The following PBX3 variants were observed in gnomAD, a reference collection of about 807,000 sequenced individuals.
PBX3 encodes pre-B-cell leukemia transcription factor 3.
A neutral mutation model predicts 48.5 loss-of-function variants in PBX3; 14 were observed. The ratio of observed to expected loss-of-function variants is 0.29; its 90% CI spans 0.19 to 0.45. The LOEUF is 0.45. Among genes scored for constraint, PBX3 ranks in the 20% least tolerant of loss-of-function variants. The pLI, the probability that PBX3 is intolerant of heterozygous loss-of-function variation, is 1.00. For synonymous variants in PBX3, 210 were observed against 200.3 expected (o/e 1.05, Z -0.41); for missense variants, 386 against 546.7 (o/e 0.71, Z 2.93).
At chr9:125,947,260 A>G (rs1231097593) in intron 5 of PBX3, among the ~76,000 whole-genome samples, 1 of 152,166 alleles carries the variant, frequency 6.6e-6, no homozygotes, top group Non-Finnish European at 1.5e-5. Flanking sequence ...AAGGATAAAT[A>G]TGTATGTAAA....
At chr9:125,958,885 C>G (rs1166285359) in intron 5 of PBX3, among the ~76,000 whole-genome samples, 1 of 150,938 alleles carries the variant, frequency 6.6e-6, no homozygotes, top group African/African-American at 2.4e-5. Context: ...CACTGTCTTC[C>G]TCTCTCTCTC....
intron 5 of PBX3, among the ~76,000 whole-genome samples, chr9:125,956,564 A>T (rs536347459): frequency 6.6e-6 from 1 of 152,294 alleles, no homozygotes; most frequent in South Asian, 2.1e-4. Context: ...AGTTCCAGAA[A>T]ATCAGCGGAC....
intron 5 of PBX3, among the ~76,000 whole-genome samples, chr9:125,939,806 A>G (rs12238327): frequency 0.07 from 10,703 of 152,270 alleles, 866 homozygotes; most frequent in African/African-American, 0.18. Flanking sequence ...TGGAGAATAC[A>G]CGTAACATAA....
intron 2 of PBX3, chr9:125,749,014 G>T: frequency 5.1e-6 from 1 of 195,542 alleles, no homozygotes; most frequent in East Asian, 1.2e-4. Flanking sequence ...CCCGAACTTT[G>T]TTTTACTTAG....
intron 4 of PBX3, among the ~76,000 whole-genome samples, chr9:125,934,754 A>G (rs1333104848): frequency 3.3e-5 from 5 of 151,864 alleles, no homozygotes; most frequent in Admixed American, 3.3e-4. Context: ...CTCCCATTCA[A>G]TACATCATCA....
chr9:125,892,992 A>T (rs13290762), intron 2 of PBX3, among the ~76,000 whole-genome samples: 45,752 of 152,052 alleles, frequency 0.3, 8,314 homozygotes, highest in Middle Eastern at 0.42. Flanking sequence ...ATTTAAATGG[A>T]GGTAGAAAGT....
intron 5 of PBX3, among the ~76,000 whole-genome samples, chr9:125,947,211 C>G (rs971582998): frequency 6.6e-6 from 1 of 151,858 alleles, no homozygotes; most frequent in African/African-American, 2.4e-5. Context: ...ATTACAGATA[C>G]AGGGGAGGAG....
At chr9:125,870,077 C>T (rs1466794106) in intron 2 of PBX3, among the ~76,000 whole-genome samples, 1 of 140,534 alleles carries the variant, frequency 7.1e-6, no homozygotes, top group Non-Finnish European at 1.6e-5. Context: ...CCAGGCTGCA[C>T]TATCTCAGCT....
At chr9:125,827,772 C>T (rs1409302953) in intron 2 of PBX3, among the ~76,000 whole-genome samples, 1 of 152,136 alleles carries the variant, frequency 6.6e-6, no homozygotes, top group African/African-American at 2.4e-5. Flanking sequence ...GTATTATAAA[C>T]ATGCTTGTAC....
intron 2 of PBX3, among the ~76,000 whole-genome samples, chr9:125,760,319 T>C (rs1023376507): frequency 1.3e-5 from 2 of 152,198 alleles, no homozygotes; most frequent in Admixed American, 6.5e-5. Context: ...TGCTTTTTAA[T>C]GATTTAACTC....
At chr9:125,892,262 G>T (rs1328207704) in intron 2 of PBX3, among the ~76,000 whole-genome samples, 1 of 151,964 alleles carries the variant, frequency 6.6e-6, no homozygotes, top group East Asian at 1.9e-4. Context: ...TACAACTATG[G>T]CTCAACTTTT....
At chr9:125,779,018 C>T (rs1033026976) in intron 2 of PBX3, among the ~76,000 whole-genome samples, 1 of 133,478 alleles carries the variant, frequency 7.5e-6, no homozygotes, top group East Asian at 2.0e-4. Flanking sequence ...CTCTTGTGCA[C>T]TGCAAACTTT....
At chr9:125,860,241 A>G (rs1266710809) in intron 2 of PBX3, among the ~76,000 whole-genome samples, 1 of 152,210 alleles carries the variant, frequency 6.6e-6, no homozygotes. Context: ...TCTGGTCAGC[A>G]TTTAAAGGAT....
At chr9:125,861,028 A>G (rs1379931442) in intron 2 of PBX3, among the ~76,000 whole-genome samples, 18 of 151,970 alleles carry the variant, frequency 1.2e-4, no homozygotes, top group South Asian at 4.2e-4. Context: ...CATCATGCCT[A>G]TAATCCCAGC....
chr9:125,854,001 CAT>C (rs1348502417), intron 2 of PBX3, among the ~76,000 whole-genome samples: 10 of 151,026 alleles, frequency 6.6e-5, no homozygotes, highest in African/African-American at 2.2e-4. Context: ...CACACACACA[CAT>C]ACATATATAC....
rs190098775 is a variant in PBX3 at position 125,880,284 on chromosome 9, C to T, written c.275-35402C>T. Among the ~76,000 whole-genome samples the T allele has an allele frequency of 4.1e-4, 62 of 152,318 alleles. No individual in the cohort carries two copies. The South Asian group carries it at 5.4e-3, about 13-fold the overall frequency. ...GGTCTTGAACTCCTGACCTCGTGAT[C>T]CGCCTGCCTCGGCCTCCCAAAGTGT... On this transcript the variant is annotated intron_variant, in intron 2 of 8. Coordinates refer to ENST00000373489, the MANE Select transcript of PBX3 (RefSeq NM_006195.6).
intron 2 of PBX3, among the ~76,000 whole-genome samples, chr9:125,762,039 AG>A (rs761758960): frequency 6.6e-6 from 1 of 152,218 alleles, no homozygotes; most frequent in East Asian, 1.9e-4. Flanking sequence ...GTATTTTTGC[AG>A]GGGCAGTTTA....
intron 2 of PBX3, among the ~76,000 whole-genome samples, chr9:125,763,844 T>C (rs1256884869): frequency 6.6e-6 from 1 of 152,168 alleles, no homozygotes; most frequent in Non-Finnish European, 1.5e-5. Context: ...ATTATAGCAA[T>C]TTTTCCTCTC....
intron 2 of PBX3, among the ~76,000 whole-genome samples, chr9:125,801,860 G>C (rs1004028346): frequency 1.3e-5 from 2 of 150,094 alleles, no homozygotes; most frequent in African/African-American, 4.9e-5. Context: ...ATAAGTTGCA[G>C]ACTTGGTATG....
Sources: gnomAD v4.1 joint callset for allele counts (sites outside exome capture counted in the v4.1 genomes callset) on GRCh38, gnomAD v4.1.1 for gene constraint, MANE v1.5 for transcripts, NCBI Gene and HGNC (gene_info 2026-07-23, HGNC 2026-07-21) for gene names.